Variants in KCTD8 observed in about 807,000 individuals in gnomAD.
KCTD8 encodes the protein potassium channel tetramerization domain containing 8, also known as BTB/POZ domain-containing protein KCTD8.
Under a neutral mutation model 31.5 loss-of-function variants are expected in KCTD8, and 27 were observed. The ratio of observed to expected loss-of-function variants is 0.86; its 90% CI spans 0.63 to 1.18. The LOEUF is 1.18. Among genes scored for constraint, KCTD8 ranks in the 50% most tolerant of loss-of-function variants. KCTD8 has a pLI of 0.00. For synonymous variants in KCTD8, 290 were observed against 280.0 expected, an observed-to-expected ratio of 1.04 and a Z score of -0.36; for missense variants, 658 against 647.7, an observed-to-expected ratio of 1.02 and a Z score of -0.17.
rs1715653537 is a variant in KCTD8 at position 44,246,000 on chromosome 4, C to A, written c.962-70750G>T. Among the ~76,000 whole-genome samples, 5 of 152,114 alleles carry A rather than the reference C, an allele frequency of 3.3e-5. No homozygotes were observed. The South Asian group carries it at 6.2e-4, about 19-fold the overall frequency. ...ATAAAACAAACAAGCAAGAAACAAT[C>A]TTCTATTAGTTAGCAGTGGTATTAG... On this transcript the variant is annotated intron_variant, in intron 1 of 1. Transcript: ENST00000360029.
intron 1 of KCTD8, among the ~76,000 whole-genome samples, chr4:44,235,525 T>TTTTATATA (rs1715250997): frequency 1.8e-5 from 1 of 55,064 alleles, no homozygotes; most frequent in Admixed American, 2.1e-4. Flanking sequence ...AGACACTGGA[T>TTTTATATA]TATATATATA....
chr4:44,444,698 G>C (rs1301532605), intron 1 of KCTD8, among the ~76,000 whole-genome samples: 1 of 151,068 alleles, frequency 6.6e-6, no homozygotes, highest in Non-Finnish European at 1.5e-5. Context: ...ATTTAACCAA[G>C]ATCACACAGT....
chr4:44,184,733 C>T (rs1713529445), intron 1 of KCTD8, among the ~76,000 whole-genome samples: 1 of 152,182 alleles, frequency 6.6e-6, no homozygotes, highest in Admixed American at 6.5e-5. Context: ...CTAATTACAT[C>T]ACTCACTTGG....
chr4:44,419,832 C>T (rs1252345363), intron 1 of KCTD8, among the ~76,000 whole-genome samples: 1 of 151,432 alleles, frequency 6.6e-6, no homozygotes, highest in Non-Finnish European at 1.5e-5. Context: ...CACATGTACC[C>T]TAGAACTTAA....
chr4:44,437,130 C>G (rs1721671411), intron 1 of KCTD8, among the ~76,000 whole-genome samples: 1 of 151,008 alleles, frequency 6.6e-6, no homozygotes, highest in Non-Finnish European at 1.5e-5. Flanking sequence ...ACCCTTAAAG[C>G]AACTCACAAG....
intron 1 of KCTD8, among the ~76,000 whole-genome samples, chr4:44,296,641 TTACTC>T (rs1184615164): frequency 2.0e-5 from 3 of 152,128 alleles, no homozygotes; most frequent in Non-Finnish European, 4.4e-5. Flanking sequence ...GTTCATAAAA[TTACTC>T]TATTCCTCTA....
At chr4:44,223,304 G>T (rs1345134979) in intron 1 of KCTD8, among the ~76,000 whole-genome samples, 1 of 152,114 alleles carries the variant, frequency 6.6e-6, no homozygotes, top group Admixed American at 6.6e-5. Flanking sequence ...CATATTTTGG[G>T]GTGGAGAAGG....
chr4:44,332,911 C>T (rs1718627597), intron 1 of KCTD8, among the ~76,000 whole-genome samples: 1 of 152,004 alleles, frequency 6.6e-6, no homozygotes, highest in African/African-American at 2.4e-5. Flanking sequence ...AAAATGTTTA[C>T]AGGCATTGTC....
intron 1 of KCTD8, among the ~76,000 whole-genome samples, chr4:44,346,967 A>G (rs1298824772): frequency 6.6e-6 from 1 of 152,182 alleles, no homozygotes; most frequent in Non-Finnish European, 1.5e-5. Context: ...AAATAAGTCC[A>G]GTGTATCAAA....
At chr4:44,338,008 A>T (rs1718801225) in intron 1 of KCTD8, among the ~76,000 whole-genome samples, 1 of 152,096 alleles carries the variant, frequency 6.6e-6, no homozygotes, top group Non-Finnish European at 1.5e-5. Flanking sequence ...AAGATTATTC[A>T]GTGATATAAA....
At chr4:44,263,874 C>T (rs1030627684) in intron 1 of KCTD8, among the ~76,000 whole-genome samples, 24 of 152,156 alleles carry the variant, frequency 1.6e-4, no homozygotes, top group African/African-American at 5.5e-4. Context: ...CCAAAGAAAG[C>T]TCTCCATGTT....
chr4:44,183,330 G>A (rs1233312774), intron 1 of KCTD8, among the ~76,000 whole-genome samples: 2 of 152,082 alleles, frequency 1.3e-5, no homozygotes, highest in African/African-American at 2.4e-5. Context: ...GAGAGGCTAT[G>A]AAATATTACA....
intron 1 of KCTD8, among the ~76,000 whole-genome samples, chr4:44,306,906 A>C (rs932412826): frequency 1.2e-4 from 18 of 152,040 alleles, no homozygotes; most frequent in African/African-American, 4.1e-4. Flanking sequence ...GACTATGTTC[A>C]GTTGAAGTCA....
intron 1 of KCTD8, among the ~76,000 whole-genome samples, chr4:44,184,103 C>T (rs1187679936): frequency 6.6e-6 from 1 of 152,184 alleles, no homozygotes; most frequent in Non-Finnish European, 1.5e-5. Flanking sequence ...ACCACAGTCC[C>T]TGATATCAAG....
At chr4:44,308,290 T>C (rs1455717366) in intron 1 of KCTD8, among the ~76,000 whole-genome samples, 1 of 152,050 alleles carries the variant, frequency 6.6e-6, no homozygotes, top group East Asian at 1.9e-4. Flanking sequence ...AAGTGCTCAC[T>C]AAGCTTCGAA....
At chr4:44,213,144 G>C (rs1020782248) in intron 1 of KCTD8, among the ~76,000 whole-genome samples, 8 of 152,008 alleles carry the variant, frequency 5.3e-5, no homozygotes, top group African/African-American at 1.9e-4. Flanking sequence ...CACCATCTTA[G>C]CCAGGATGGT....
At chr4:44,368,915 G>A (rs544005334) in intron 1 of KCTD8, among the ~76,000 whole-genome samples, 1 of 152,236 alleles carries the variant, frequency 6.6e-6, no homozygotes, top group East Asian at 1.9e-4. Context: ...AACTACTTCT[G>A]CCTTGATTTT....
chr4:44,182,277 A>G (rs1412448474), intron 1 of KCTD8, among the ~76,000 whole-genome samples: 5 of 152,314 alleles, frequency 3.3e-5, no homozygotes, highest in African/African-American at 7.2e-5. Context: ...CCACCACCCC[A>G]TCTGGGCAGT....
chr4:44,249,549 T>C (rs1184294247), intron 1 of KCTD8, among the ~76,000 whole-genome samples: 1 of 151,818 alleles, frequency 6.6e-6, no homozygotes, highest in Non-Finnish European at 1.5e-5. Flanking sequence ...AAAGCAGTCA[T>C]AGATGACAAA....
Sources: gnomAD v4.1 joint callset for allele counts (sites outside exome capture counted in the v4.1 genomes callset) on GRCh38, gnomAD v4.1.1 for gene constraint, MANE v1.5 for transcripts, NCBI Gene and HGNC (gene_info 2026-07-23, HGNC 2026-07-21) for gene names.